The following CTDP1 variants were observed in gnomAD, a reference collection of about 807,000 sequenced individuals.
CTDP1 encodes CTD phosphatase 1, also known as RNA polymerase II subunit A C-terminal domain phosphatase.
Under a neutral mutation model 91.8 loss-of-function variants are expected in CTDP1, and 47 were observed. The ratio of observed to expected loss-of-function variants is 0.51; its 90% CI spans 0.41 to 0.65. CTDP1 has a LOEUF of 0.65. Among genes scored for constraint, CTDP1 ranks in the 30% least tolerant of loss-of-function variants. The probability of loss-of-function intolerance (pLI) is 0.00; values close to 1 mark genes in which losing one functional copy is unlikely to be tolerated. For synonymous variants in CTDP1, 656 were observed against 598.5 expected, an observed-to-expected ratio of 1.10 and a Z score of -1.40; for missense variants, 1,272 against 1,373.7, an observed-to-expected ratio of 0.93 and a Z score of 1.17.
intron 1 of CTDP1, 51 bp downstream of exon 1, chr18:79,680,312 A>T: frequency 8.2e-7 from 1 of 1,222,044 alleles, no homozygotes; most frequent in Non-Finnish European, 1.0e-6. Context: ...CCGGGGAGGG[A>T]TCCTGGAGGA....
chr18:79,698,768 TTCTAAAGGTTCCTGGGGA>T (rs1274988376), intron 4 of CTDP1, among the ~76,000 whole-genome samples: 2 of 148,338 alleles, frequency 1.3e-5, no homozygotes, highest in East Asian at 4.0e-4. Context: ...ACCTTACCAG[TTCTAAAGGTTCCTGGGGA>T]TCCTGCAGGT....
At position 79,754,266 on chromosome 18, in the gene CTDP1, C is replaced by T. The variant is rs945896325; in HGVS notation, c.*476C>T. 6.6e-5 allele frequency: 13 copies of T among 195,990 alleles called. No homozygotes were observed. The highest frequency in any genetic ancestry group is 2.6e-4 in the African/African-American group (11 of 42,816). The allele number at this position is 195,990 out of a possible 1,614,324, so 12.1% of individuals were successfully genotyped here. On this transcript the variant is annotated 3_prime_UTR_variant, in exon 13 of 13. Transcript: ENST00000613122. ...TGCTCCCTCCTAGGGAACCCATTTC[C>T]GGGGAACGCCGTGACTGTCGGGCAG... is the stretch of plus-strand genomic sequence containing the variant.
chr18:79,704,742 C>T (rs368507621), intron 4 of CTDP1, 25 bp from the exon 5 acceptor site: 40 of 1,612,456 alleles, frequency 2.5e-5, no homozygotes, highest in Admixed American at 5.0e-5. Flanking sequence ...CCTTTTCTCC[C>T]GACTGTTGCT....
chr18:79,695,532 G>A (rs2085728923), intron 2 of CTDP1, among the ~76,000 whole-genome samples: 1 of 152,206 alleles, frequency 6.6e-6, no homozygotes. Flanking sequence ...GGTGTGGTGG[G>A]GGGGCATGCT....
intron 10 of CTDP1, 56 bp downstream of exon 10, chr18:79,718,072 C>G: frequency 7.5e-6 from 12 of 1,594,406 alleles, no homozygotes; most frequent in Non-Finnish European, 1.0e-5. Flanking sequence ...AAGCTTGCTG[C>G]TCCAGTCTGT....
chr18:79,708,496 C>T (rs753902595), intron 5 of CTDP1, among the ~76,000 whole-genome samples: 11 of 152,130 alleles, frequency 7.2e-5, no homozygotes, highest in Non-Finnish European at 1.3e-4. Flanking sequence ...CACGTGGGGA[C>T]GTGGAGCCAG....
At chr18:79,702,372 T>G (rs533124935) in intron 4 of CTDP1, among the ~76,000 whole-genome samples, 8 of 152,120 alleles carry the variant, frequency 5.3e-5, no homozygotes, top group Non-Finnish European at 1.2e-4. Flanking sequence ...TATTTTTTAT[T>G]TTTTATTTTT....
intron 12 of CTDP1, among the ~76,000 whole-genome samples, chr18:79,748,978 T>G (rs1019219278): frequency 3.9e-5 from 6 of 152,194 alleles, no homozygotes; most frequent in African/African-American, 1.4e-4. Flanking sequence ...GCTGAGGTGG[T>G]CCCTTCCGTG....
chr18:79,690,474 C>T lies in CTDP1; in HGVS notation c.315-4751C>T, dbSNP rs141307141. Among the ~76,000 whole-genome samples the T allele has an allele frequency of 7.1e-3, 1,081 of 152,344 alleles. 6 individuals are homozygous for T. Among genetic ancestry groups the T allele is most frequent in the Middle Eastern group, 0.017 (5 of 294 alleles). ...GGGTGTTTTTACGTTTGTGTATCCG[C>T]ATTCAAGAATCCACAACGTGTCACA... On this transcript the variant is annotated intron_variant, in intron 1 of 12. Coordinates refer to ENST00000613122, the MANE Select transcript of CTDP1 (RefSeq NM_004715.5).
rs545201355 is a variant in CTDP1, at chr18:79,714,909, C to T, written c.1449C>T (p.Gly483=). ...ATGGCGAAAGCGAGGGGAAAAGAGG[C>T]CGGCAGAAGCCGAAGGCTGCCCCAG... ...ASDGESEGKR[G]RQKPKAAPEG... The change falls in exon 8 of 13, where the codon GGC becomes GGT. Residue 483 remains glycine, a synonymous_variant. Transcript: ENST00000613122. 10 of 1,567,180 alleles carry T rather than the reference C, an allele frequency of 6.4e-6. No homozygotes were observed. In the African/African-American group the frequency reaches 6.7e-5, roughly 11 times the overall value.
At chr18:79,741,518 G>A (rs1468630438) in intron 12 of CTDP1, among the ~76,000 whole-genome samples, 1 of 152,230 alleles carries the variant, frequency 6.6e-6, no homozygotes, top group Non-Finnish European at 1.5e-5. Context: ...GACAACAGCT[G>A]ATGATGGCTC....
chr18:79,744,775 G>C (rs2086845873), intron 12 of CTDP1, among the ~76,000 whole-genome samples: 1 of 152,198 alleles, frequency 6.6e-6, no homozygotes, highest in South Asian at 2.1e-4. Context: ...GCGAGACCTT[G>C]GAGGTTCCCC....
upstream of CTDP1, chr18:79,679,655 G>A (rs756966302): frequency 3.3e-5 from 17 of 517,002 alleles, no homozygotes; most frequent in South Asian, 2.6e-4. Flanking sequence ...AGGAAAAGTA[G>A]GTAGGGCTCA....
upstream of CTDP1, chr18:79,679,102 G>C (rs867782626): frequency 6.6e-5 from 19 of 287,184 alleles, no homozygotes; most frequent in Non-Finnish European, 8.2e-5. Context: ...CCACGCGCCG[G>C]TGCCCGCCCT....
chr18:79,701,576 A>C (rs1204267264), intron 4 of CTDP1, among the ~76,000 whole-genome samples: 1 of 151,562 alleles, frequency 6.6e-6, no homozygotes, highest in African/African-American at 2.4e-5. Context: ...TAAATAAAAG[A>C]GCTACATCTC....
chr18:79,714,771 G>A lies in CTDP1; in HGVS notation c.1311G>A (p.Pro437=), dbSNP rs373108713. Residue 437 remains proline (P), a synonymous_variant, in exon 8 of 13, where the codon CCG becomes CCA. Transcript: ENST00000613122. ...GSCAQGGRVA[P]GQRPAQGATG... ...GTGCGCAGGGTGGCCGGGTGGCACC[G>A]GGACAGCGGCCTGCCCAGGGTGCCA... 6,685 of 1,602,614 alleles carry A rather than the reference G, an allele frequency of 4.2e-3. 22 individuals are homozygous for A. The highest frequency in any genetic ancestry group is 5.3e-3 in the Non-Finnish European group (6,283 of 1,175,740).
chr18:79,692,928 G>A (rs755811314), intron 1 of CTDP1, among the ~76,000 whole-genome samples: 1 of 152,264 alleles, frequency 6.6e-6, no homozygotes, highest in Non-Finnish European at 1.5e-5. Context: ...TGCCAGGACT[G>A]GGGGAGCAGT....
Position 79,747,223 on chromosome 18 carries a change from G to A in CTDP1, c.2748-6429G>A, listed in dbSNP as rs557963067. 1.1e-4 allele frequency among the ~76,000 whole-genome samples: 16 copies of A among 152,326 alleles called. No individual in the cohort carries two copies. The South Asian group carries it at 3.1e-3, about 30-fold the overall frequency. ...GGCCTGGCAGCAGGCTCTCGGAGGG[G>A]AGGGTCAGGTGTGGTGAGCGCCCGG... On this transcript the variant is annotated intron_variant, in intron 12 of 12. Coordinates refer to ENST00000613122, the MANE Select transcript of CTDP1 (RefSeq NM_004715.5).
chr18:79,725,704 C>T (rs1268964599), intron 10 of CTDP1, among the ~76,000 whole-genome samples: 1 of 152,074 alleles, frequency 6.6e-6, no homozygotes, highest in Non-Finnish European at 1.5e-5. Flanking sequence ...GGGGTCCCTT[C>T]CCTCCCGACC....
Sources: gnomAD v4.1 joint callset for allele counts (sites outside exome capture counted in the v4.1 genomes callset) on GRCh38, gnomAD v4.1.1 for gene constraint, MANE v1.5 for transcripts, NCBI Gene and HGNC (gene_info 2026-07-23, HGNC 2026-07-21) for gene names.